CDH12: variants seen among roughly 807,000 people sequenced by gnomAD.
CDH12 encodes the protein cadherin 12.
A neutral mutation model predicts 74.1 loss-of-function variants in CDH12; 41 were observed. That is an observed-to-expected ratio of 0.55 (90% CI 0.43 to 0.72). The LOEUF (loss-of-function observed/expected upper bound fraction) is 0.72. Among genes scored for constraint, CDH12 ranks in the 30% least tolerant of loss-of-function variants. The pLI is 0.00. For synonymous variants in CDH12, 399 were observed against 355.0 expected, an observed-to-expected ratio of 1.12 and a Z score of -1.39; for missense variants, 945 against 977.2, an observed-to-expected ratio of 0.97 and a Z score of 0.44.
chr5:21,920,889 G>A (rs1754322554), intron 6 of CDH12, among the ~76,000 whole-genome samples: 1 of 152,056 alleles, frequency 6.6e-6, no homozygotes, highest in African/African-American at 2.4e-5. Context: ...ATAGTAGTGA[G>A]GCAAAGAAAG....
intron 4 of CDH12, among the ~76,000 whole-genome samples, chr5:22,198,911 A>G (rs1750770481): frequency 6.6e-6 from 1 of 152,046 alleles, no homozygotes; most frequent in South Asian, 2.1e-4. Flanking sequence ...TTAGTAAAAA[A>G]AGCAGATAGG....
chr5:21,892,669 A>C (rs769142830), intron 6 of CDH12, among the ~76,000 whole-genome samples: 2 of 152,080 alleles, frequency 1.3e-5, no homozygotes, highest in Non-Finnish European at 2.9e-5. Flanking sequence ...AAATGTTTGC[A>C]TCAGTTTACC....
rs78447956 is a variant in CDH12, at chr5:22,812,676, G to C, written c.-523+40382C>G. Among the ~76,000 whole-genome samples, 1,226 of 152,236 alleles carry C rather than the reference G, an allele frequency of 8.1e-3. 17 individuals carry two copies. The highest frequency in any genetic ancestry group is 0.028 in the African/African-American group (1,170 of 41,532). ...AGTGCAGCAAGGATTCAAAGAACTGGAGGTCTCAAGTAAGCTGAAGAACAG... is the reference window on the plus strand; with the variant it reads ...AGTGCAGCAAGGATTCAAAGAACTGCAGGTCTCAAGTAAGCTGAAGAACAG... On this transcript the variant is annotated intron_variant, in intron 1 of 14. Transcript: ENST00000382254.
intron 2 of CDH12, among the ~76,000 whole-genome samples, chr5:22,446,764 C>T (rs947950286): frequency 6.6e-6 from 1 of 152,016 alleles, no homozygotes; most frequent in Non-Finnish European, 1.5e-5. Flanking sequence ...CAAGTTATGA[C>T]CATCTACAAC....
intron 1 of CDH12, among the ~76,000 whole-genome samples, chr5:22,561,673 G>A (rs1374164086): frequency 6.6e-6 from 1 of 152,034 alleles, no homozygotes; most frequent in Non-Finnish European, 1.5e-5. Flanking sequence ...AGAAAGGCGA[G>A]GGCAGCATTT....
rs768945480 is a variant in CDH12 at position 22,452,880 on chromosome 5, C to CAAAAAAAAAA, written c.-427-47539_-427-47530dup. ...ATAAGAAACTCAAACAACCTAAGAG[C>CAAAAAAAAAA]AAAAAAAAAAAAAAAAAAAAAAAAT... On this transcript the variant is annotated intron_variant, in intron 2 of 14. Transcript: ENST00000382254. Among the ~76,000 whole-genome samples the CAAAAAAAAAA allele has an allele frequency of 1.5e-3, 47 of 32,190 alleles. 1 individual carries two copies. The highest frequency in any genetic ancestry group is 2.3e-3 in the African/African-American group (16 of 6,862). 21.1% of individuals were successfully genotyped at this position (32,190 alleles called of 152,430 possible). A position where few individuals can be genotyped will look rare whatever the true frequency, so the allele number is the denominator to read the frequency against.
intron 5 of CDH12, among the ~76,000 whole-genome samples, chr5:21,976,026 T>C (rs914539715): frequency 5.3e-5 from 8 of 152,220 alleles, no homozygotes; most frequent in Admixed American, 5.2e-4. Context: ...CATTTTCATT[T>C]GTAAAGAAGG....
chr5:22,731,631 A>G (rs571597311), intron 1 of CDH12, among the ~76,000 whole-genome samples: 1 of 151,992 alleles, frequency 6.6e-6, no homozygotes, highest in African/African-American at 2.4e-5. Flanking sequence ...TGAATATTTG[A>G]TCTCTCAGCA....
chr5:22,179,741 A>G (rs1580364738), intron 4 of CDH12, among the ~76,000 whole-genome samples: 1 of 152,176 alleles, frequency 6.6e-6, no homozygotes, highest in Non-Finnish European at 1.5e-5. Context: ...ATTCAAAATA[A>G]ACTCACACTT....
Position 22,018,137 on chromosome 5 carries a change from G to A in CDH12, c.232-42752C>T, listed in dbSNP as rs151173687. Among the ~76,000 whole-genome samples the A allele has an allele frequency of 1.1e-3, 163 of 152,106 alleles. 3 individuals are homozygous for A. Among genetic ancestry groups the A allele is most frequent in the African/African-American group, 3.9e-3 (162 of 41,480 alleles). On this transcript the variant is annotated intron_variant, in intron 5 of 14. Coordinates refer to ENST00000382254, the MANE Select transcript of CDH12 (RefSeq NM_004061.5). The stretch of plus-strand genomic sequence containing the variant: ...ACAATAATGTCATTTCAATAAATGT[G>A]TTTGCTCTTGTTGATTAAATTAGTT...
intron 2 of CDH12, among the ~76,000 whole-genome samples, chr5:22,448,650 C>A (rs973149287): frequency 6.6e-6 from 1 of 151,954 alleles, no homozygotes. Flanking sequence ...AATGAGGTGG[C>A]ACTGATAAGT....
chr5:22,850,434 A>G (rs113703743), intron 1 of CDH12, among the ~76,000 whole-genome samples: 2,286 of 152,230 alleles, frequency 0.015, 66 homozygotes, highest in African/African-American at 0.053. Flanking sequence ...CCCAGTAAAA[A>G]TAATACATTT....
In CDH12 at chr5:22,272,438, T is replaced by C. The variant is rs574450607; in HGVS notation, c.-332-59795A>G. On this transcript the variant is annotated intron_variant, in intron 3 of 14. Transcript: ENST00000382254. ...AGCTGTTTCACTTTATTTTCATTCATGTATTCACTGAAGTAGATCTTTTAA... is the reference window on the plus strand; with the variant it reads ...AGCTGTTTCACTTTATTTTCATTCACGTATTCACTGAAGTAGATCTTTTAA... 1.4e-4 allele frequency among the ~76,000 whole-genome samples: 22 copies of C among 152,346 alleles called. No homozygotes were observed. In the East Asian group the frequency reaches 3.7e-3, roughly 25 times the overall value.
intron 3 of CDH12, among the ~76,000 whole-genome samples, chr5:22,314,056 G>T (rs1738504734): frequency 1.3e-5 from 2 of 152,154 alleles, no homozygotes; most frequent in Non-Finnish European, 2.9e-5. Context: ...AGAAGACAAT[G>T]GTAATAATCT....
At chr5:21,861,425 CTGAG>C (rs1221274438) in intron 6 of CDH12, among the ~76,000 whole-genome samples, 3 of 151,850 alleles carry the variant, frequency 2.0e-5, no homozygotes, top group South Asian at 2.1e-4. Flanking sequence ...TAAAAATATA[CTGAG>C]TGAGAATGTA....
At chr5:22,506,640 G>A (rs1313482460) in intron 1 of CDH12, among the ~76,000 whole-genome samples, 1 of 151,794 alleles carries the variant, frequency 6.6e-6, no homozygotes, top group Non-Finnish European at 1.5e-5. Flanking sequence ...CTTTTTATCA[G>A]AGAATGGTGA....
intron 1 of CDH12, among the ~76,000 whole-genome samples, chr5:22,833,373 A>AC (rs1736700351): frequency 6.6e-6 from 1 of 152,206 alleles, no homozygotes; most frequent in Non-Finnish European, 1.5e-5. Context: ...AAGATGCCTT[A>AC]CAGCCACCTG....
chr5:22,590,320 A>G (rs1367134241), intron 1 of CDH12, among the ~76,000 whole-genome samples: 2 of 152,154 alleles, frequency 1.3e-5, no homozygotes, highest in African/African-American at 2.4e-5. Flanking sequence ...TTTTAAAAGT[A>G]CAAACCTTAT....
rs933715141 is a variant in CDH12 at position 22,639,436 on chromosome 5, T to C, written c.-522-134072A>G. 3.1e-3 allele frequency among the ~76,000 whole-genome samples: 462 copies of C among 150,718 alleles called. 1 individual carries two copies. The highest frequency in any genetic ancestry group is 0.01 in the Middle Eastern group (3 of 294). On this transcript the variant is annotated intron_variant, in intron 1 of 14. Coordinates refer to ENST00000382254, the MANE Select transcript of CDH12 (RefSeq NM_004061.5). ...GATATTTAAGCTTTTCTTCTTCTTT[T>C]TTTTTTTTTTTTTTCAAATTTTCAT...
Sources: allele counts gnomAD v4.1 joint callset (sites outside exome capture counted in the v4.1 genomes callset), GRCh38; gene constraint gnomAD v4.1.1; transcripts MANE v1.5; gene names NCBI Gene and HGNC (gene_info 2026-07-23, HGNC 2026-07-21).